CTNNA3: variants seen among roughly 807,000 people sequenced by gnomAD.
CTNNA3 encodes catenin alpha-3.
In CTNNA3, 76 loss-of-function variants were observed where a neutral mutation model predicts 95.7. The observed-to-expected ratio is 0.79, with a 90% CI of 0.66 to 0.96. The LOEUF is 0.96. CTNNA3 is among the 40% of genes least tolerant of loss of function. The probability of loss-of-function intolerance (pLI) is 0.00; values close to 1 mark genes in which losing one functional copy is unlikely to be tolerated. For synonymous variants in CTNNA3, 431 were observed against 374.4 expected (o/e 1.15, Z -1.74); for missense variants, 1,191 against 1,089.8 (o/e 1.09, Z -1.31).
chr10:66,689,544 A>G (rs1847436539), intron 9 of CTNNA3, among the ~76,000 whole-genome samples: 1 of 152,210 alleles, frequency 6.6e-6, no homozygotes, highest in Non-Finnish European at 1.5e-5. Flanking sequence ...GAAAATTTAA[A>G]GAGGTGATAT....
intron 1 of CTNNA3, among the ~76,000 whole-genome samples, chr10:67,727,808 TTA>T (rs1376298666): frequency 1.8e-5 from 2 of 108,306 alleles, no homozygotes; most frequent in Non-Finnish European, 3.4e-5. Flanking sequence ...CACATATGTA[TTA>T]TATATCATAT....
In CTNNA3 at chr10:65,930,928, T is replaced by TA. The variant is rs2077242993; in HGVS notation, c.2401-10312dup. ...CATAGATTAATTGTAAATTAATACT[T>TA]ATACACATAAGTATATATACTGTAC... is the stretch of plus-strand genomic sequence containing the variant. On this transcript the variant is annotated intron_variant, in intron 17 of 17. Coordinates refer to ENST00000433211, the MANE Select transcript of CTNNA3 (RefSeq NM_013266.4). Among the ~76,000 whole-genome samples the TA allele has an allele frequency of 5.9e-5, 9 of 152,328 alleles. No individual in the cohort carries two copies. In the South Asian group the frequency reaches 1.9e-3, roughly 32 times the overall value.
At chr10:66,956,881 C>A (rs565905688) in intron 7 of CTNNA3, among the ~76,000 whole-genome samples, 2 of 152,276 alleles carry the variant, frequency 1.3e-5, no homozygotes, top group Admixed American at 1.3e-4. Context: ...CATCCTCCTA[C>A]GGGACAAAAA....
At chr10:67,231,335 A>G (rs1164805191) in intron 5 of CTNNA3, among the ~76,000 whole-genome samples, 2 of 152,248 alleles carry the variant, frequency 1.3e-5, no homozygotes, top group Non-Finnish European at 2.9e-5. Context: ...TCTGAGAACC[A>G]GCAGACTGCC....
intron 9 of CTNNA3, among the ~76,000 whole-genome samples, chr10:66,706,297 C>T (rs546473918): frequency 2.6e-5 from 4 of 151,984 alleles, no homozygotes; most frequent in Admixed American, 2.6e-4. Context: ...TATTTATACT[C>T]GCTCTTAAAT....
At chr10:66,791,628 C>T (rs188290925) in intron 7 of CTNNA3, among the ~76,000 whole-genome samples, 44 of 152,304 alleles carry the variant, frequency 2.9e-4, no homozygotes, top group African/African-American at 1.0e-3. Context: ...TATGAAAATA[C>T]TAGCAGGGAA....
At chr10:66,604,916 A>T (rs1844063507) in intron 10 of CTNNA3, among the ~76,000 whole-genome samples, 1 of 152,114 alleles carries the variant, frequency 6.6e-6, no homozygotes, top group Non-Finnish European at 1.5e-5. Context: ...TGTCCTAAAA[A>T]TGACCACATC....
At chr10:66,711,025 T>G (rs2132605224) in intron 9 of CTNNA3, among the ~76,000 whole-genome samples, 1 of 152,188 alleles carries the variant, frequency 6.6e-6, no homozygotes, top group Non-Finnish European at 1.5e-5. Context: ...CAGTTTTTTC[T>G]TCTAGTTATA....
At chr10:66,397,317 G>T (rs970533518) in intron 11 of CTNNA3, among the ~76,000 whole-genome samples, 1 of 151,674 alleles carries the variant, frequency 6.6e-6, no homozygotes, top group African/African-American at 2.4e-5. Context: ...AAGGCTTAGG[G>T]AACTAAGCAA....
chr10:66,128,419 G>T (rs58688395), intron 13 of CTNNA3, among the ~76,000 whole-genome samples: 4,946 of 151,890 alleles, frequency 0.033, 282 homozygotes, highest in African/African-American at 0.11. Flanking sequence ...TGAATAAATA[G>T]ATATACTGTG....
chr10:67,149,276 G>A (rs1860978369), intron 7 of CTNNA3, among the ~76,000 whole-genome samples: 1 of 152,036 alleles, frequency 6.6e-6, no homozygotes, highest in African/African-American at 2.4e-5. Context: ...TATAAGTAAG[G>A]GGACAGTTTG....
At chr10:66,124,883 T>C (rs2082742368) in intron 13 of CTNNA3, among the ~76,000 whole-genome samples, 2 of 152,208 alleles carry the variant, frequency 1.3e-5, no homozygotes, top group Non-Finnish European at 1.5e-5. Context: ...CACATGGGAA[T>C]TGTGAGAGTT....
intron 9 of CTNNA3, among the ~76,000 whole-genome samples, chr10:66,723,152 C>A (rs1334703169): frequency 6.6e-6 from 1 of 152,148 alleles, no homozygotes; most frequent in Non-Finnish European, 1.5e-5. Flanking sequence ...AAGGAGCTGA[C>A]TCTGCAGACC....
At chr10:67,387,401 G>T (rs1186126940) in intron 5 of CTNNA3, among the ~76,000 whole-genome samples, 1 of 152,112 alleles carries the variant, frequency 6.6e-6, no homozygotes, top group Non-Finnish European at 1.5e-5. Flanking sequence ...CTGGCTCGGA[G>T]GGTCCTACGC....
intron 11 of CTNNA3, among the ~76,000 whole-genome samples, chr10:66,474,919 T>A (rs893395395): frequency 6.6e-6 from 1 of 152,050 alleles, no homozygotes; most frequent in African/African-American, 2.4e-5. Context: ...TTTTGCTTTG[T>A]TTTTTGCTAT....
chr10:66,203,360 C>A (rs72795396), intron 13 of CTNNA3, among the ~76,000 whole-genome samples: 24,270 of 152,038 alleles, frequency 0.16, 2,393 homozygotes, highest in Middle Eastern at 0.22. Flanking sequence ...CTTCAAAATG[C>A]GGCTATGCTT....
intron 9 of CTNNA3, among the ~76,000 whole-genome samples, chr10:66,695,512 G>A (rs1011311721): frequency 6.6e-6 from 1 of 152,130 alleles, no homozygotes; most frequent in Non-Finnish European, 1.5e-5. Flanking sequence ...CTAGCACAAT[G>A]TGTAGAATCT....
intron 5 of CTNNA3, among the ~76,000 whole-genome samples, chr10:67,483,781 A>AC (rs1848338767): frequency 6.7e-6 from 1 of 149,564 alleles, no homozygotes; most frequent in South Asian, 2.1e-4. Flanking sequence ...AAAATTAAAA[A>AC]AAAAAACAAA....
In CTNNA3 at chr10:66,208,352, C is replaced by T. The variant is rs534330692; in HGVS notation, c.1884+72118G>A. The stretch of plus-strand genomic sequence containing the variant: ...AGATTACAAAGAGAAAGGACAACCT[C>T]AGATGATTTTAGCATCATTTTAGCA... On this transcript the variant is annotated intron_variant, in intron 13 of 17. Transcript: ENST00000433211. Among the ~76,000 whole-genome samples the T allele has an allele frequency of 2.0e-5, 3 of 152,224 alleles. No individual in the cohort carries two copies. The South Asian group carries it at 6.2e-4, about 32-fold the overall frequency.
Sources: allele counts gnomAD v4.1 joint callset (sites outside exome capture counted in the v4.1 genomes callset), GRCh38; gene constraint gnomAD v4.1.1; transcripts MANE v1.5; gene names NCBI Gene and HGNC (gene_info 2026-07-23, HGNC 2026-07-21).